The following ROBO2 variants were observed in gnomAD, a reference collection of about 807,000 sequenced individuals.
The protein encoded by ROBO2 is roundabout guidance receptor 2, also known as roundabout homolog 2.
In ROBO2, 53 loss-of-function variants were observed where a neutral mutation model predicts 160.8. The ratio of observed to expected loss-of-function variants is 0.33; its 90% CI spans 0.26 to 0.41. ROBO2 has a LOEUF of 0.41. ROBO2 is among the 10% of genes least tolerant of loss of function. ROBO2 has a pLI of 1.00. For synonymous variants in ROBO2, 664 were observed against 611.7 expected (o/e 1.09, Z -1.26); for missense variants, 1,577 against 1,722.4 (o/e 0.92, Z 1.49).
At chr3:76,321,001 A>G (rs768043778) in intron 2 of ROBO2, among the ~76,000 whole-genome samples, 7 of 152,240 alleles carry the variant, frequency 4.6e-5, no homozygotes, top group African/African-American at 1.4e-4. Flanking sequence ...AATCTAAAAG[A>G]TATACATGCA....
At chr3:76,352,402 T>G (rs1366284119) in intron 2 of ROBO2, among the ~76,000 whole-genome samples, 1 of 152,050 alleles carries the variant, frequency 6.6e-6, no homozygotes, top group Non-Finnish European at 1.5e-5. Context: ...TTTCATTCTT[T>G]TGTTTCATTG....
chr3:77,583,154 A>C (rs1391894253), intron 16 of ROBO2, among the ~76,000 whole-genome samples: 33 of 118,360 alleles, frequency 2.8e-4, no homozygotes, highest in East Asian at 7.6e-4. Flanking sequence ...TGTCTCTCCA[A>C]AAAAAAAAAA....
At chr3:77,039,999 T>C (rs1490718069) in exon 1 of ROBO2, 13 of 640,302 alleles carry the variant, frequency 2.0e-5, no homozygotes, top group Non-Finnish European at 2.5e-5. Flanking sequence ...TGGTGCACTA[T>C]CCTCAGAGGC....
At chr3:76,713,594 A>T (rs543219248) in intron 2 of ROBO2, among the ~76,000 whole-genome samples, 1 of 152,308 alleles carries the variant, frequency 6.6e-6, no homozygotes, top group South Asian at 2.1e-4. Context: ...TAGCTCTCTC[A>T]GGATTAAGTA....
chr3:76,466,047 A>AAC (rs2078345641), intron 2 of ROBO2, among the ~76,000 whole-genome samples: 1 of 150,264 alleles, frequency 6.7e-6, no homozygotes, highest in South Asian at 2.1e-4. Flanking sequence ...AATTGTCTAA[A>AAC]ACATATATAC....
chr3:76,113,943 T>C (rs906144110), intron 2 of ROBO2, among the ~76,000 whole-genome samples: 3 of 152,164 alleles, frequency 2.0e-5, no homozygotes, highest in Admixed American at 2.0e-4. Context: ...GCCCCCTCTC[T>C]TGCCATGTGA....
At chr3:76,236,570 AG>A (rs1704958269) in intron 2 of ROBO2, among the ~76,000 whole-genome samples, 1 of 152,154 alleles carries the variant, frequency 6.6e-6, no homozygotes, top group Admixed American at 6.5e-5. Flanking sequence ...CTTTCTACTA[AG>A]TAGATTATTA....
At chr3:77,278,794 G>C (rs1399630516) in intron 2 of ROBO2, among the ~76,000 whole-genome samples, 1 of 152,064 alleles carries the variant, frequency 6.6e-6, no homozygotes, top group Non-Finnish European at 1.5e-5. Flanking sequence ...CAGTTGTGGA[G>C]ATAGTAGCAA....
At chr3:76,573,654 C>A (rs2108626246) in intron 2 of ROBO2, among the ~76,000 whole-genome samples, 1 of 151,734 alleles carries the variant, frequency 6.6e-6, no homozygotes, top group African/African-American at 2.4e-5. Flanking sequence ...CCAGCATTAT[C>A]ATCCTGCTAG....
At chr3:76,406,073 T>C (rs1367425333) in intron 2 of ROBO2, among the ~76,000 whole-genome samples, 1 of 151,768 alleles carries the variant, frequency 6.6e-6, no homozygotes, top group East Asian at 1.9e-4. Flanking sequence ...CCAAGAATTA[T>C]ATTTATTACA....
At chr3:76,534,040 A>G (rs2082365315) in intron 2 of ROBO2, among the ~76,000 whole-genome samples, 2 of 152,154 alleles carry the variant, frequency 1.3e-5, no homozygotes, top group African/African-American at 2.4e-5. Flanking sequence ...TCAGAGACCT[A>G]ACATTCCTGT....
chr3:77,194,781 T>G, intron 2 of ROBO2, among the ~76,000 whole-genome samples: 1 of 152,204 alleles, frequency 6.6e-6, no homozygotes, highest in East Asian at 1.9e-4. Context: ...ATAGAAAATA[T>G]AAAATTGCAT....
intron 2 of ROBO2, among the ~76,000 whole-genome samples, chr3:76,341,419 TAAAAAAA>T (rs71277587): frequency 9.5e-4 from 42 of 44,254 alleles, no homozygotes; most frequent in African/African-American, 3.3e-3. Flanking sequence ...TTTTAAAGCG[TAAAAAAA>T]AAAAAAAAAA....
chr3:77,319,391 TA>T (rs753520531), intron 2 of ROBO2, among the ~76,000 whole-genome samples: 2 of 152,200 alleles, frequency 1.3e-5, no homozygotes, highest in Non-Finnish European at 2.9e-5. Context: ...AATCTCCTGT[TA>T]AGTAAGATTA....
At chr3:77,269,980 T>C (rs1016286830) in intron 2 of ROBO2, among the ~76,000 whole-genome samples, 1 of 152,186 alleles carries the variant, frequency 6.6e-6, no homozygotes, top group Admixed American at 6.6e-5. Flanking sequence ...GACCATGAAG[T>C]ATTTAAAATA....
At chr3:77,354,185 A>C (rs1281678189) in intron 2 of ROBO2, among the ~76,000 whole-genome samples, 4 of 152,194 alleles carry the variant, frequency 2.6e-5, no homozygotes, top group Non-Finnish European at 5.9e-5. Context: ...AATACCAGGA[A>C]TAGTCTTCTA....
At chr3:76,406,055 T>G (rs2078106595) in intron 2 of ROBO2, among the ~76,000 whole-genome samples, 1 of 151,766 alleles carries the variant, frequency 6.6e-6, no homozygotes, top group Non-Finnish European at 1.5e-5. Context: ...ACATAAAAAT[T>G]ACATAAACCA....
At chr3:76,657,821 GTA>G (rs1202130747) in intron 2 of ROBO2, among the ~76,000 whole-genome samples, 2 of 147,404 alleles carry the variant, frequency 1.4e-5, no homozygotes, top group Non-Finnish European at 3.0e-5. Context: ...TATATAGTGT[GTA>G]TATATATGTA....
At chr3:76,062,458 A>G (rs1390688096) in intron 2 of ROBO2, among the ~76,000 whole-genome samples, 1 of 152,164 alleles carries the variant, frequency 6.6e-6, no homozygotes, top group Admixed American at 6.6e-5. Flanking sequence ...ACATTGTACC[A>G]GGTTTTGTCA....
Sources: allele counts gnomAD v4.1 joint callset (sites outside exome capture counted in the v4.1 genomes callset), GRCh38; gene constraint gnomAD v4.1.1; transcripts MANE v1.5; gene names NCBI Gene and HGNC (gene_info 2026-07-23, HGNC 2026-07-21).